Variants in PHLPP1 observed in about 807,000 individuals in gnomAD.
PHLPP1 encodes PH domain and leucine rich repeat protein phosphatase 1, also known as PH domain leucine-rich repeat-containing protein phosphatase 1.
In PHLPP1, 42 loss-of-function variants were observed where a neutral mutation model predicts 117.2. The ratio of observed to expected loss-of-function variants is 0.36; its 90% CI spans 0.28 to 0.46. The LOEUF is 0.46. PHLPP1 is among the 20% of genes least tolerant of loss of function. The pLI is 1.00. For missense variants in PHLPP1, 2,084 were observed against 2,241.9 expected (o/e 0.93, Z 1.42); for synonymous variants, 1,042 against 970.7 (o/e 1.07, Z -1.37).
chr18:62,847,913 G>A (rs964829603), intron 3 of PHLPP1, among the ~76,000 whole-genome samples: 3 of 152,148 alleles, frequency 2.0e-5, no homozygotes, highest in Middle Eastern at 3.2e-3. Flanking sequence ...CTGGTAAAAC[G>A]CAAGAAAATT....
intron 1 of PHLPP1, among the ~76,000 whole-genome samples, chr18:62,731,881 T>A (rs1228766932): frequency 1.3e-5 from 2 of 152,104 alleles, no homozygotes; most frequent in African/African-American, 2.4e-5. Context: ...CAAACCCTAA[T>A]CCAGAGCAAG....
intron 1 of PHLPP1, among the ~76,000 whole-genome samples, chr18:62,740,228 G>T (rs945303201): frequency 1.6e-4 from 25 of 152,148 alleles, no homozygotes; most frequent in African/African-American, 5.8e-4. Context: ...AAAGCTGCGG[G>T]TAGTAAATAA....
At chr18:62,803,878 G>T (rs1229046861) in intron 1 of PHLPP1, among the ~76,000 whole-genome samples, 1 of 152,150 alleles carries the variant, frequency 6.6e-6, no homozygotes, top group Non-Finnish European at 1.5e-5. Flanking sequence ...AAGCTCAACC[G>T]TTGTGGTTGG....
At chr18:62,884,228 A>G (rs1375126751) in intron 4 of PHLPP1, among the ~76,000 whole-genome samples, 1 of 152,188 alleles carries the variant, frequency 6.6e-6, no homozygotes, top group Non-Finnish European at 1.5e-5. Context: ...ATCTGATTCA[A>G]AAAAATGTGG....
Position 62,716,097 on chromosome 18 carries a change from C to CTCG in PHLPP1, c.426_428dup (p.Ser144dup), listed in dbSNP as rs779444749. 6 of 1,501,908 alleles carry CTCG rather than the reference C, an allele frequency of 4.0e-6. No individual in the cohort carries two copies. The highest frequency in any genetic ancestry group is 4.4e-6 in the Non-Finnish European group (5 of 1,133,568). The allele number at this position is 1,501,908 out of a possible 1,614,324, so 93.0% of individuals were successfully genotyped here. The stretch of plus-strand genomic sequence containing the variant: ...TGTCCGCGGCCGCCGCGGCCGCCTC[C>CTCG]TCGTCGTCGTCGTCCTCGGCCGCTG... On this transcript the variant is annotated inframe_insertion, in exon 1 of 17. Coordinates refer to ENST00000262719, the MANE Select transcript of PHLPP1 (RefSeq NM_194449.4). This position sits in a 1 kb window ranked among gnomAD's most constrained non-coding sequence, Gnocchi z 5.7.
At chr18:62,956,632 A>G (rs2144472993) in intron 12 of PHLPP1, among the ~76,000 whole-genome samples, 1 of 152,326 alleles carries the variant, frequency 6.6e-6, no homozygotes, top group African/African-American at 2.4e-5. Flanking sequence ...TAAGGAAAAA[A>G]AAACAGAATG....
chr18:62,736,372 G>GGCGAGACACTGAGGGCCTGA (rs1213106002), intron 1 of PHLPP1, among the ~76,000 whole-genome samples: 7 of 152,208 alleles, frequency 4.6e-5, no homozygotes, highest in African/African-American at 1.7e-4. Context: ...GTGTGGTTCA[G>GGCGAGACACTGAGGGCCTGA]GCGAGACACT....
At chr18:62,950,571 G>A (rs1910422675) in intron 12 of PHLPP1, among the ~76,000 whole-genome samples, 1 of 152,214 alleles carries the variant, frequency 6.6e-6, no homozygotes, top group Admixed American at 6.5e-5. Context: ...ATGGATGGAA[G>A]AAAGTGGGTT....
At chr18:62,972,403 G>A (rs1172768924) in intron 14 of PHLPP1, 111 bp from the exon 15 acceptor site, 5 of 933,196 alleles carry the variant, frequency 5.4e-6, no homozygotes, top group Non-Finnish European at 6.5e-6. Flanking sequence ...TCTGTCTGGA[G>A]TCATGAAGAA....
rs575698826 is a variant in PHLPP1 at position 62,892,999 on chromosome 18, A to G, written c.2067-2012A>G. On this transcript the variant is annotated intron_variant, in intron 4 of 16. Coordinates refer to ENST00000262719, the MANE Select transcript of PHLPP1 (RefSeq NM_194449.4). Reference sequence around the variant, plus strand: ...TAGGAATAAGAGGCTCTGTAATTCTAGCTTGTGTTTTGCAGTGATTATAAA... The same window carrying G: ...TAGGAATAAGAGGCTCTGTAATTCTGGCTTGTGTTTTGCAGTGATTATAAA... 7.3e-5 allele frequency among the ~76,000 whole-genome samples: 11 copies of G among 151,610 alleles called. No individual in the cohort carries two copies. In the East Asian group the frequency reaches 1.4e-3, roughly 19 times the overall value.
intron 1 of PHLPP1, among the ~76,000 whole-genome samples, chr18:62,786,108 G>A (rs1020314774): frequency 6.6e-6 from 1 of 152,196 alleles, no homozygotes; most frequent in African/African-American, 2.4e-5. Flanking sequence ...TGATGCCAGA[G>A]CATCTTCCTA....
intron 1 of PHLPP1, among the ~76,000 whole-genome samples, chr18:62,761,642 T>A (rs79624282): frequency 0.073 from 9,993 of 136,234 alleles, 380 homozygotes; most frequent in Middle Eastern, 0.092. Flanking sequence ...CAAAAAAAAA[T>A]AAATAAAAAT....
intron 1 of PHLPP1, among the ~76,000 whole-genome samples, chr18:62,726,729 G>A (rs1317893692): frequency 2.0e-5 from 3 of 150,590 alleles, no homozygotes; most frequent in Non-Finnish European, 3.0e-5. Context: ...GATTACAGGC[G>A]CCTGCCACCA....
chr18:62,733,748 G>T (rs1036984091), intron 1 of PHLPP1, among the ~76,000 whole-genome samples: 1 of 152,182 alleles, frequency 6.6e-6, no homozygotes, highest in African/African-American at 2.4e-5. Flanking sequence ...CAGGAATGGG[G>T]AGAGAGAGCC....
At chr18:62,830,472 G>A (rs1450673852) in intron 2 of PHLPP1, among the ~76,000 whole-genome samples, 1 of 152,038 alleles carries the variant, frequency 6.6e-6, no homozygotes, top group Non-Finnish European at 1.5e-5. Flanking sequence ...CAAGTGATCT[G>A]CCCACCTCGG....
At chr18:62,936,170 A>G (rs1454521395) in intron 10 of PHLPP1, among the ~76,000 whole-genome samples, 3 of 152,242 alleles carry the variant, frequency 2.0e-5, no homozygotes, top group Admixed American at 6.5e-5. Context: ...AGCATGTCAA[A>G]GGATGCGTGA....
intron 2 of PHLPP1, 123 bp downstream of exon 2, chr18:62,830,354 C>A: frequency 1.4e-6 from 1 of 736,478 alleles, no homozygotes; most frequent in South Asian, 1.9e-5. Context: ...GATTCTCCTG[C>A]CTCAGCCAGG....
At chr18:62,831,763 C>T (rs985792377) in intron 2 of PHLPP1, among the ~76,000 whole-genome samples, 1 of 152,228 alleles carries the variant, frequency 6.6e-6, no homozygotes, top group Non-Finnish European at 1.5e-5. Context: ...GTAGCAAGCA[C>T]ATTCTTGTAG....
At chr18:62,913,800 A>G (rs1466443189) in intron 8 of PHLPP1, among the ~76,000 whole-genome samples, 7 of 144,262 alleles carry the variant, frequency 4.9e-5, no homozygotes, top group Non-Finnish European at 7.5e-5. Flanking sequence ...CTGGAGTGCA[A>G]TGGTGTGATC....
Sources: gnomAD v4.1 joint callset for allele counts (sites outside exome capture counted in the v4.1 genomes callset) on GRCh38, gnomAD v4.1.1 for gene constraint, Gnocchi (gnomAD v3.1) non-coding constraint, MANE v1.5 for transcripts, NCBI Gene and HGNC (gene_info 2026-07-23, HGNC 2026-07-21) for gene names.